Variants in SGMS1 observed in about 807,000 individuals in gnomAD.
The protein encoded by SGMS1 is phosphatidylcholine:ceramide cholinephosphotransferase 1.
A neutral mutation model predicts 46.2 loss-of-function variants in SGMS1; 13 were observed. The observed-to-expected ratio is 0.28, with a 90% confidence interval of 0.18 to 0.45. The LOEUF is 0.45. Among genes scored for constraint, SGMS1 ranks in the 20% least tolerant of loss-of-function variants. The pLI is 1.00. For missense variants in SGMS1, 324 were observed against 519.9 expected (o/e 0.62, Z 3.66); for synonymous variants, 203 against 187.8 (o/e 1.08, Z -0.66).
At chr10:50,339,700 T>C (rs1172802394) in intron 7 of SGMS1, among the ~76,000 whole-genome samples, 1 of 152,210 alleles carries the variant, frequency 6.6e-6, no homozygotes, top group Admixed American at 6.5e-5. Flanking sequence ...GGTAAGCACT[T>C]TGTATGTGCC....
intron 6 of SGMS1, among the ~76,000 whole-genome samples, chr10:50,381,392 C>T (rs945966533): frequency 1.5e-4 from 23 of 152,152 alleles, no homozygotes; most frequent in African/African-American, 5.1e-4. Context: ...CATGGTTCTG[C>T]CACCCATGAC....
chr10:50,584,948 G>A (rs933700730), intron 2 of SGMS1, among the ~76,000 whole-genome samples: 1 of 152,230 alleles, frequency 6.6e-6, no homozygotes, highest in African/African-American at 2.4e-5. Context: ...TGAGGACAGT[G>A]TAGGGGTGGT....
At chr10:50,420,555 T>G (rs1439706418) in intron 6 of SGMS1, among the ~76,000 whole-genome samples, 1 of 152,250 alleles carries the variant, frequency 6.6e-6, no homozygotes, top group Non-Finnish European at 1.5e-5. Flanking sequence ...GAACACAATT[T>G]GCTTTACGGG....
chr10:50,421,045 A>G (rs1849248753), intron 6 of SGMS1, among the ~76,000 whole-genome samples: 2 of 152,216 alleles, frequency 1.3e-5, no homozygotes, highest in South Asian at 2.1e-4. Flanking sequence ...ACAATGACCA[A>G]TGTGGTTAGA....
intron 5 of SGMS1, among the ~76,000 whole-genome samples, chr10:50,447,272 T>C (rs1193913335): frequency 6.6e-6 from 1 of 152,156 alleles, no homozygotes; most frequent in African/African-American, 2.4e-5. Context: ...ATAATCCAGG[T>C]AAGATGATAG....
At chr10:50,586,647 C>T (rs138680407) in intron 2 of SGMS1, among the ~76,000 whole-genome samples, 155 of 152,314 alleles carry the variant, frequency 1.0e-3, no homozygotes, top group African/African-American at 3.1e-3. Context: ...CAGTAGGGAA[C>T]GACGTGAGAA....
At chr10:50,398,122 C>A (rs1848873275) in intron 6 of SGMS1, among the ~76,000 whole-genome samples, 2 of 152,156 alleles carry the variant, frequency 1.3e-5, no homozygotes, top group South Asian at 4.1e-4. Flanking sequence ...GTGAGGCAGA[C>A]AAGTTTGGTG....
At chr10:50,381,165 C>A (rs7092014) in intron 6 of SGMS1, among the ~76,000 whole-genome samples, 105,283 of 151,560 alleles carry the variant, frequency 0.69, 36,786 homozygotes, top group Middle Eastern at 0.81. Context: ...AACAAACAAA[C>A]AAATACTAAT....
At chr10:50,352,895 T>C (rs531176388) in intron 6 of SGMS1, among the ~76,000 whole-genome samples, 5 of 152,166 alleles carry the variant, frequency 3.3e-5, no homozygotes, top group Admixed American at 6.5e-5. Flanking sequence ...CAGGAAGAAG[T>C]TGAATCTCTG....
chr10:50,369,756 T>C (rs1231795056), intron 6 of SGMS1, among the ~76,000 whole-genome samples: 5 of 152,212 alleles, frequency 3.3e-5, no homozygotes, highest in Admixed American at 3.3e-4. Flanking sequence ...ACCTCTTAAG[T>C]ATATCATAAA....
At chr10:50,378,697 CTGAA>C (rs1229185271) in intron 6 of SGMS1, among the ~76,000 whole-genome samples, 1 of 152,128 alleles carries the variant, frequency 6.6e-6, no homozygotes, top group Non-Finnish European at 1.5e-5. Context: ...AAAATATTTG[CTGAA>C]TGAATAAGTG....
At chr10:50,599,285 G>A (rs1349315840) in intron 1 of SGMS1, among the ~76,000 whole-genome samples, 14 of 152,190 alleles carry the variant, frequency 9.2e-5, no homozygotes, top group Admixed American at 7.2e-4. Context: ...TCTTGGTTGT[G>A]TCCTAACTGC....
intron 4 of SGMS1, among the ~76,000 whole-genome samples, chr10:50,463,115 T>C (rs1239297440): frequency 2.0e-5 from 3 of 152,002 alleles, no homozygotes; most frequent in African/African-American, 4.8e-5. Context: ...CTTCATGACA[T>C]TGGAGTTGGC....
At chr10:50,400,108 T>C (rs1848911191) in intron 6 of SGMS1, among the ~76,000 whole-genome samples, 1 of 151,876 alleles carries the variant, frequency 6.6e-6, no homozygotes, top group Non-Finnish European at 1.5e-5. Flanking sequence ...ACTGGTTAGA[T>C]GGGTTTTACA....
chr10:50,589,855 A>C (rs932924005), intron 2 of SGMS1, among the ~76,000 whole-genome samples: 2 of 152,230 alleles, frequency 1.3e-5, no homozygotes, highest in African/African-American at 4.8e-5. Flanking sequence ...AAAACTATAA[A>C]TTTAATTAAA....
At chr10:50,458,604 C>T (rs1837226247) in intron 5 of SGMS1, among the ~76,000 whole-genome samples, 1 of 151,956 alleles carries the variant, frequency 6.6e-6, no homozygotes, top group South Asian at 2.1e-4. Flanking sequence ...CGTGATCTGC[C>T]CGTCTCAGCC....
At chr10:50,320,186 C>T (rs944594473) in intron 8 of SGMS1, among the ~76,000 whole-genome samples, 4 of 152,124 alleles carry the variant, frequency 2.6e-5, no homozygotes, top group Non-Finnish European at 5.9e-5. Context: ...ACATGTCCCC[C>T]ACTCTGCCCT....
upstream of SGMS1, chr10:50,624,472 C>G: frequency 1.8e-6 from 1 of 540,860 alleles, no homozygotes; most frequent in Non-Finnish European, 2.4e-6. Context: ...TAACCATAGA[C>G]TCTCATCTTT....
At chr10:50,571,115 A>G (rs754070144) in intron 2 of SGMS1, among the ~76,000 whole-genome samples, 3 of 152,280 alleles carry the variant, frequency 2.0e-5, no homozygotes, top group Non-Finnish European at 4.4e-5. Flanking sequence ...CTTGCTGACC[A>G]AAGTTCTAAT....
Sources: gnomAD v4.1 joint callset for allele counts (sites outside exome capture counted in the v4.1 genomes callset) on GRCh38, gnomAD v4.1.1 for gene constraint, MANE v1.5 for transcripts, NCBI Gene and HGNC (gene_info 2026-07-23, HGNC 2026-07-21) for gene names.